The following LEO1 variants were observed in gnomAD, a reference collection of about 807,000 sequenced individuals.
The protein encoded by LEO1 is RNA polymerase-associated protein LEO1.
In LEO1, 34 loss-of-function variants were observed where a neutral mutation model predicts 80.4. The observed-to-expected ratio is 0.42, with a 90% CI of 0.32 to 0.56. LEO1 has a LOEUF of 0.56. LEO1 is among the 20% of genes least tolerant of loss of function. The pLI, the probability that LEO1 is intolerant of heterozygous loss-of-function variation, is 0.10. For missense variants in LEO1, 631 were observed against 814.2 expected, an observed-to-expected ratio of 0.77 and a Z score of 2.74; for synonymous variants, 262 against 274.9, an observed-to-expected ratio of 0.95 and a Z score of 0.46.
At chr15:51,945,773 G>A (rs994388957) in intron 11 of LEO1, among the ~76,000 whole-genome samples, 3 of 152,132 alleles carry the variant, frequency 2.0e-5, no homozygotes, top group East Asian at 1.9e-4. Flanking sequence ...ACTGGCTCAC[G>A]CCTGTAATCC....
chr15:51,949,772 C>T (rs780506527), intron 10 of LEO1, 36 bp downstream of exon 10: 61 of 1,574,080 alleles, frequency 3.9e-5, no homozygotes, highest in African/African-American at 1.2e-4. Flanking sequence ...TCCAGAATCC[C>T]GAAATGATGA....
At chr15:51,970,772 T>C (rs2057116703) in intron 1 of LEO1, among the ~76,000 whole-genome samples, 2 of 152,202 alleles carry the variant, frequency 1.3e-5, no homozygotes, top group African/African-American at 4.8e-5. Context: ...AGAGACTCAC[T>C]TTACTTGGAG....
At position 51,959,968 on chromosome 15, in the gene LEO1, T is replaced by G. The variant is rs757899393; in HGVS notation, c.1091A>C (p.Lys364Thr). 6.2e-7 allele frequency: 1 copy of G among 1,613,504 alleles called. No individual in the cohort carries two copies. The highest frequency in any genetic ancestry group is 1.7e-5 in the Admixed American group (1 of 59,922). Residue 364 changes from lysine to threonine, a missense_variant, in exon 5 of 12, where the codon AAA becomes ACA. By Grantham distance (78) the Lys-to-Thr change is moderately conservative (BLOSUM62 -1). Transcript: ENST00000299601. ...GTCGTTTCCTAAATCAGTGTTTACTTTGGGTATTTCTACTTCTATTCTGGT... is the reference window on the plus strand; with the variant it reads ...GTCGTTTCCTAAATCAGTGTTTACTGTGGGTATTTCTACTTCTATTCTGGT... The part of the protein sequence containing the change: ...PETRIEVEIP[K>T]VNTDLGNDLY...
chr15:51,949,776 A>G, intron 10 of LEO1, 32 bp downstream of exon 10: 1 of 1,581,114 alleles, frequency 6.3e-7, no homozygotes, highest in Non-Finnish European at 8.7e-7. Context: ...GAATCCCGAA[A>G]TGATGAAATG....
chr15:51,958,861 AT>A, intron 5 of LEO1, 35 bp from the exon 6 acceptor site: 1 of 1,172,966 alleles, frequency 8.5e-7, no homozygotes, highest in Non-Finnish European at 1.2e-6. Flanking sequence ...TATTAATCAT[AT>A]TTTATAAAGA....
chr15:51,963,897 C>CAAAAAAA (rs1217618326), intron 2 of LEO1, among the ~76,000 whole-genome samples: 1 of 57,534 alleles, frequency 1.7e-5, no homozygotes, highest in African/African-American at 7.0e-5. Context: ...GACTCTGTCT[C>CAAAAAAA]AAAAAAAAAA....
chr15:51,957,435 G>A (rs1344329759), intron 6 of LEO1, among the ~76,000 whole-genome samples: 1 of 152,090 alleles, frequency 6.6e-6, no homozygotes, highest in African/African-American at 2.4e-5. Flanking sequence ...AAACAGATGA[G>A]TAGATGGGTG....
At chr15:51,952,977 T>C in intron 8 of LEO1, 152 bp downstream of exon 8, 1 of 614,406 alleles carries the variant, frequency 1.6e-6, no homozygotes, top group Non-Finnish European at 2.7e-6. Flanking sequence ...TTTGACAAAA[T>C]AACCTTTGAA....
At chr15:51,969,361 G>A (rs989544823) in intron 1 of LEO1, among the ~76,000 whole-genome samples, 3 of 151,686 alleles carry the variant, frequency 2.0e-5, no homozygotes, top group Non-Finnish European at 2.9e-5. Flanking sequence ...ACGGCTGGGC[G>A]CAGTGGCTCA....
At chr15:51,959,214 G>C (rs1012689367) in intron 5 of LEO1, among the ~76,000 whole-genome samples, 7 of 152,092 alleles carry the variant, frequency 4.6e-5, no homozygotes, top group African/African-American at 1.7e-4. Flanking sequence ...ATGTTGGTCA[G>C]GCTGGTCTCA....
At chr15:51,938,615 A>G (rs542004831) in intron 11 of LEO1, among the ~76,000 whole-genome samples, 384 of 152,242 alleles carry the variant, frequency 2.5e-3, no homozygotes, top group Non-Finnish European at 4.0e-3. Flanking sequence ...ACTTCTTTTC[A>G]TTATCTAAAA....
chr15:51,947,587 A>AT (rs912571759), intron 10 of LEO1, among the ~76,000 whole-genome samples, 198 bp from the exon 11 acceptor site: 15 of 149,062 alleles, frequency 1.0e-4, no homozygotes, highest in African/African-American at 2.2e-4. Context: ...TGCCCAGCTG[A>AT]TTTTTTTTTT....
intron 11 of LEO1, among the ~76,000 whole-genome samples, chr15:51,944,580 T>A (rs2056883537): frequency 6.6e-6 from 1 of 152,296 alleles, no homozygotes; most frequent in Admixed American, 6.5e-5. Flanking sequence ...GTCTGGTACA[T>A]TACTGATTTA....
In LEO1 at chr15:51,938,154, CT is replaced by C; in HGVS notation, c.*1del. The C allele has an allele frequency of 6.7e-7, 1 of 1,484,896 alleles. No individual in the cohort carries two copies. Among genetic ancestry groups the C allele is most frequent in the Non-Finnish European group, 9.4e-7 (1 of 1,067,126 alleles). The allele number at this position is 1,484,896 out of a possible 1,614,324, so 92.0% of individuals were successfully genotyped here. A position where few individuals can be genotyped will look rare whatever the true frequency, so the allele number is the denominator to read the frequency against. On this transcript the variant is annotated 3_prime_UTR_variant, in exon 12 of 12. Transcript: ENST00000299601. The stretch of plus-strand genomic sequence containing the variant: ...ATATAAAATGTTTTCATATTTCATA[CT>C]TCAATCATCATCTTCTTCCTCTTCA...
At chr15:51,950,460 C>T (rs2056940382) in intron 9 of LEO1, among the ~76,000 whole-genome samples, 1 of 152,188 alleles carries the variant, frequency 6.6e-6, no homozygotes, top group Admixed American at 6.5e-5. Context: ...CCCCTCAGCC[C>T]CTCAACCCAG....
intron 1 of LEO1, among the ~76,000 whole-genome samples, chr15:51,968,193 AT>A (rs1429796511): frequency 1.3e-5 from 2 of 152,032 alleles, no homozygotes; most frequent in Non-Finnish European, 2.9e-5. Flanking sequence ...AAATAAATAA[AT>A]AAATACATAA....
intron 8 of LEO1, 51 bp downstream of exon 8, chr15:51,953,078 G>A (rs1412093343): frequency 1.3e-6 from 2 of 1,512,728 alleles, no homozygotes; most frequent in Non-Finnish European, 1.8e-6. Flanking sequence ...AAACATCTAT[G>A]TTTCACTGCT....
At chr15:51,954,274 G>A (rs78316224) in intron 7 of LEO1, among the ~76,000 whole-genome samples, 4,134 of 150,870 alleles carry the variant, frequency 0.027, 110 homozygotes, top group South Asian at 0.12. Flanking sequence ...AGTAGTCCCA[G>A]CTACTTGGGA....
chr15:51,949,503 C>T (rs987916340), intron 10 of LEO1, among the ~76,000 whole-genome samples: 3 of 152,004 alleles, frequency 2.0e-5, no homozygotes, highest in Admixed American at 6.6e-5. Context: ...AGTTTGAGAC[C>T]AGCCTGGCCA....
Sources: gnomAD v4.1 joint callset for allele counts (sites outside exome capture counted in the v4.1 genomes callset) on GRCh38, gnomAD v4.1.1 for gene constraint, MANE v1.5 for transcripts, NCBI Gene and HGNC (gene_info 2026-07-23, HGNC 2026-07-21) for gene names.